Variants in TENT2 observed in about 807,000 individuals in gnomAD.
The protein encoded by TENT2 is poly(A) RNA polymerase GLD2.
In TENT2, 44 loss-of-function variants were observed where a neutral mutation model predicts 72.2. The observed-to-expected ratio is 0.61, with a 90% CI of 0.48 to 0.78. The LOEUF is 0.78. Among genes scored for constraint, TENT2 ranks in the 30% least tolerant of loss-of-function variants. The probability of loss-of-function intolerance (pLI) is 0.00; values close to 1 mark genes in which losing one functional copy is unlikely to be tolerated. For synonymous variants in TENT2, 212 were observed against 192.5 expected, an observed-to-expected ratio of 1.10 and a Z score of -0.84; for missense variants, 541 against 569.6, an observed-to-expected ratio of 0.95 and a Z score of 0.51.
At chr5:79,684,321 TTACCC>T (rs538922760) in intron 14 of TENT2, among the ~76,000 whole-genome samples, 43 of 152,360 alleles carry the variant, frequency 2.8e-4, no homozygotes, top group African/African-American at 1.0e-3. Context: ...TCTTGCTCTG[TTACCC>T]AGACTCAGGC....
chr5:79,642,766 CT>C (rs1404002884), intron 6 of TENT2, 65 bp from the exon 7 acceptor site: 2 of 1,294,152 alleles, frequency 1.5e-6, no homozygotes, highest in African/African-American at 3.0e-5. Flanking sequence ...TGTTGAGATA[CT>C]TTAGGAAAAT....
At chr5:79,623,779 G>GAAA (rs368170393) in intron 4 of TENT2, 11 of 187,996 alleles carry the variant, frequency 5.9e-5, no homozygotes, top group South Asian at 1.4e-4. Flanking sequence ...TGTTTTTACT[G>GAAA]AAAAAAAAAA....
intron 11 of TENT2, among the ~76,000 whole-genome samples, chr5:79,660,880 TC>T (rs1802337915): frequency 6.6e-6 from 1 of 152,150 alleles, no homozygotes; most frequent in African/African-American, 2.4e-5. Flanking sequence ...CCAAAGATCT[TC>T]CAGTGGGACA....
In TENT2 at chr5:79,688,187, T is replaced by C. The variant is rs1826652448; in HGVS notation, c.*2914T>C. Reference sequence around the variant, plus strand: ...GAATAATCCCCAGCTTACAGTCATATTTAACAACTCTGTGACTTGCTATAA... The same window carrying C: ...GAATAATCCCCAGCTTACAGTCATACTTAACAACTCTGTGACTTGCTATAA... On this transcript the variant is annotated 3_prime_UTR_variant, in exon 15 of 15. Coordinates refer to ENST00000453514, the MANE Select transcript of TENT2 (RefSeq NM_001114394.3). 6.6e-6 allele frequency among the ~76,000 whole-genome samples: 1 copy of C among 152,242 alleles called. No homozygotes were observed. The highest frequency in any genetic ancestry group is 6.5e-5 in the Admixed American group (1 of 15,288).
chr5:79,617,763 G>A (rs1761482998), intron 1 of TENT2, among the ~76,000 whole-genome samples: 1 of 152,194 alleles, frequency 6.6e-6, no homozygotes, highest in South Asian at 2.1e-4. Flanking sequence ...TTCCGTCAGA[G>A]ATTTGAAGTC....
At chr5:79,684,882 A>G (rs1466331482) in intron 14 of TENT2, among the ~76,000 whole-genome samples, 3 of 152,310 alleles carry the variant, frequency 2.0e-5, no homozygotes, top group African/African-American at 7.2e-5. Flanking sequence ...ATACAATGAG[A>G]CCTTGTCTCT....
At chr5:79,658,721 G>A (rs1799741427) in intron 11 of TENT2, among the ~76,000 whole-genome samples, 1 of 152,146 alleles carries the variant, frequency 6.6e-6, no homozygotes, top group African/African-American at 2.4e-5. Context: ...AAAACCCTAT[G>A]CTACATGAAG....
intron 11 of TENT2, among the ~76,000 whole-genome samples, chr5:79,662,509 C>G (rs1027754165): frequency 4.6e-5 from 7 of 152,090 alleles, no homozygotes; most frequent in Admixed American, 1.3e-4. Flanking sequence ...ATGAAAATTA[C>G]TCCTTGATCC....
chr5:79,643,180 G>T (rs1785789418), intron 7 of TENT2, among the ~76,000 whole-genome samples: 1 of 152,092 alleles, frequency 6.6e-6, no homozygotes, highest in South Asian at 2.1e-4. Flanking sequence ...TTTCTCAAAA[G>T]TTTATAGGTT....
At chr5:79,677,899 C>T (rs1316076644) in intron 12 of TENT2, among the ~76,000 whole-genome samples, 1 of 152,164 alleles carries the variant, frequency 6.6e-6, no homozygotes, top group Admixed American at 6.5e-5. Context: ...TCCCCTTGCT[C>T]AGGTGATCCT....
intron 13 of TENT2, 84 bp from the exon 14 acceptor site, chr5:79,681,898 C>T (rs1822283851): frequency 9.1e-7 from 1 of 1,100,794 alleles, no homozygotes; most frequent in Non-Finnish European, 1.3e-6. Context: ...AAACTGTTAA[C>T]ATATTGACAG....
intron 7 of TENT2, 58 bp from the exon 8 acceptor site, chr5:79,645,065 G>T: frequency 7.2e-7 from 1 of 1,391,214 alleles, no homozygotes; most frequent in Non-Finnish European, 9.8e-7. Context: ...AATGTGCGTT[G>T]GAACACTGTG....
At chr5:79,642,440 A>G (rs1785209490) in intron 6 of TENT2, among the ~76,000 whole-genome samples, 1 of 152,078 alleles carries the variant, frequency 6.6e-6, no homozygotes, top group South Asian at 2.1e-4. Flanking sequence ...TAGCTTTTAC[A>G]CAAACTGAGG....
At chr5:79,614,922 CTA>C (rs1294369191) in intron 1 of TENT2, among the ~76,000 whole-genome samples, 1 of 152,174 alleles carries the variant, frequency 6.6e-6, no homozygotes, top group Non-Finnish European at 1.5e-5. Flanking sequence ...TTCCTCAACT[CTA>C]GATGTCTTTC....
intron 10 of TENT2, among the ~76,000 whole-genome samples, chr5:79,656,655 T>C (rs932064664): frequency 2.0e-5 from 3 of 152,014 alleles, no homozygotes; most frequent in African/African-American, 7.2e-5. Context: ...ATTGTGTGTG[T>C]ATGTCTGATG....
chr5:79,619,928 G>C (rs1311918561), intron 2 of TENT2, 66 bp from the exon 3 acceptor site: 4 of 1,453,490 alleles, frequency 2.8e-6, no homozygotes, highest in African/African-American at 1.4e-5. Context: ...TTTTTTTTCA[G>C]AGACTGGTTT....
rs957723008 is a variant in TENT2 at position 79,687,866 on chromosome 5, A to G, written c.*2593A>G. Among the ~76,000 whole-genome samples the G allele has an allele frequency of 3.3e-5, 5 of 152,252 alleles. No homozygotes were observed. The highest frequency in any genetic ancestry group is 1.2e-4 in the African/African-American group (5 of 41,472). ...AATTTTTAATTAAATGATGGAAGGA[A>G]CATAGAATGGCTACCTGTGATTTTG... On this transcript the variant is annotated 3_prime_UTR_variant, in exon 15 of 15. Transcript: ENST00000453514.
intron 4 of TENT2, among the ~76,000 whole-genome samples, chr5:79,631,230 T>C (rs551683404): frequency 6.6e-6 from 1 of 152,300 alleles, no homozygotes; most frequent in South Asian, 2.1e-4. Flanking sequence ...ATTGCCCTAG[T>C]TGAAAACCAT....
rs1561524614 is a variant in TENT2, at chr5:79,649,152, G to C, written c.989G>C (p.Ser330Thr). Residue 330 changes from serine (S) to threonine (T), a missense_variant, in exon 10 of 15, where the codon AGC becomes ACC. Transcript: ENST00000453514. Reference protein sequence around the residue: ...INDASRGTLSSYSLVLMVLHY... With the variant: ...INDASRGTLSTYSLVLMVLHY... ...GATGCCAGTCGTGGTACTTTAAGCAGCTATAGTCTTGTATTGATGGTTTTG... is the reference window on the plus strand; with the variant it reads ...GATGCCAGTCGTGGTACTTTAAGCACCTATAGTCTTGTATTGATGGTTTTG... 2 of 1,613,370 alleles carry C rather than the reference G, an allele frequency of 1.2e-6. No individual in the cohort carries two copies. Among genetic ancestry groups the C allele is most frequent in the Non-Finnish European group, 1.7e-6 (2 of 1,179,694 alleles).
Sources: gnomAD v4.1 joint callset for allele counts (sites outside exome capture counted in the v4.1 genomes callset) on GRCh38, gnomAD v4.1.1 for gene constraint, MANE v1.5 for transcripts, NCBI Gene and HGNC (gene_info 2026-07-23, HGNC 2026-07-21) for gene names.